The following JADE1 variants were observed in gnomAD, a reference collection of about 807,000 sequenced individuals.
JADE1 encodes protein Jade-1.
In JADE1, 14 loss-of-function variants were observed where a neutral mutation model predicts 81.8. The observed-to-expected ratio is 0.17, with a 90% CI of 0.11 to 0.27. The LOEUF (loss-of-function observed/expected upper bound fraction) is 0.27, where lower values mean the gene tolerates loss of function less well. Among genes scored for constraint, JADE1 ranks in the 10% least tolerant of loss-of-function variants. The pLI is 1.00. For missense variants in JADE1, 690 were observed against 1,047.9 expected (o/e 0.66, Z 4.71); for synonymous variants, 353 against 391.9 (o/e 0.90, Z 1.17).
At chr4:128,832,058 G>C (rs539413508) in intron 2 of JADE1, among the ~76,000 whole-genome samples, 63 of 152,316 alleles carry the variant, frequency 4.1e-4, no homozygotes, top group Middle Eastern at 3.4e-3. Context: ...GAATAATCCA[G>C]TTCCAAGAGT....
intron 9 of JADE1, chr4:128,863,134 C>T: frequency 1.0e-6 from 1 of 985,602 alleles, no homozygotes; most frequent in Non-Finnish European, 1.2e-6. Flanking sequence ...GCTTTTGTGC[C>T]TCCCCCACTT....
intron 6 of JADE1, among the ~76,000 whole-genome samples, chr4:128,852,739 C>G (rs1579200495): frequency 6.6e-6 from 1 of 152,158 alleles, no homozygotes; most frequent in Non-Finnish European, 1.5e-5. Context: ...GTTCTGGAAA[C>G]TAAAAGTCCA....
At chr4:128,857,699 A>G (rs1432229683) in intron 8 of JADE1, among the ~76,000 whole-genome samples, 1 of 152,166 alleles carries the variant, frequency 6.6e-6, no homozygotes, top group East Asian at 1.9e-4. Context: ...CTGAGCTGTG[A>G]GGCGGTTGCA....
chr4:128,841,902 C>T (rs970953793), intron 2 of JADE1, among the ~76,000 whole-genome samples: 1 of 152,088 alleles, frequency 6.6e-6, no homozygotes, highest in African/African-American at 2.4e-5. Context: ...GTTGTTGGTG[C>T]TGAGAAGTGT....
intron 2 of JADE1, among the ~76,000 whole-genome samples, chr4:128,841,091 T>C (rs1211260949): frequency 6.6e-6 from 1 of 152,260 alleles, no homozygotes; most frequent in East Asian, 1.9e-4. Context: ...TGTTCCTGTC[T>C]CTGGAATCTG....
chr4:128,847,118 A>G (rs542438560), intron 4 of JADE1, among the ~76,000 whole-genome samples: 27 of 152,286 alleles, frequency 1.8e-4, no homozygotes, highest in African/African-American at 6.3e-4. Context: ...AGGATCCCTC[A>G]GGGTCGAGTC....
chr4:128,863,714 T>A (rs1182206317), intron 9 of JADE1: 33 of 985,398 alleles, frequency 3.3e-5, no homozygotes, highest in Non-Finnish European at 4.0e-5. Flanking sequence ...CAACTACATG[T>A]ATGTGTGGCA....
chr4:128,857,081 C>T (rs536272118), intron 7 of JADE1, among the ~76,000 whole-genome samples: 5 of 152,162 alleles, frequency 3.3e-5, no homozygotes, highest in Admixed American at 1.3e-4. Context: ...TCAGACGCTC[C>T]GGTGAGAAGT....
intron 7 of JADE1, among the ~76,000 whole-genome samples, chr4:128,856,256 T>C (rs1197660434): frequency 6.6e-6 from 1 of 152,206 alleles, no homozygotes; most frequent in Non-Finnish European, 1.5e-5. Flanking sequence ...GCTACCTTTT[T>C]CCTTGAGGAA....
At chr4:128,840,534 G>A (rs1579164032) in intron 2 of JADE1, among the ~76,000 whole-genome samples, 1 of 152,262 alleles carries the variant, frequency 6.6e-6, no homozygotes, top group Middle Eastern at 3.4e-3. Context: ...GACACTGCGT[G>A]TGCTTTTCCT....
Position 128,842,335 on chromosome 4 carries a change from T to C in JADE1, c.53-618T>C, listed in dbSNP as rs1579169584. ...TTTTTTTTTTGACAGAGTCTTGCTCTGTCCCGCAGGCTGGAGTGCAGTGAC... is the reference window on the plus strand; with the variant it reads ...TTTTTTTTTTGACAGAGTCTTGCTCCGTCCCGCAGGCTGGAGTGCAGTGAC... On this transcript the variant is annotated intron_variant, in intron 2 of 10. Transcript: ENST00000226319. Among the ~76,000 whole-genome samples, 6 of 151,998 alleles carry C rather than the reference T, an allele frequency of 3.9e-5. No individual in the cohort carries two copies. The South Asian group carries it at 1.2e-3, about 32-fold the overall frequency.
At chr4:128,836,292 T>G (rs1728973359) in intron 2 of JADE1, among the ~76,000 whole-genome samples, 1 of 152,146 alleles carries the variant, frequency 6.6e-6, no homozygotes, top group South Asian at 2.1e-4. Flanking sequence ...GCCTTACTAA[T>G]AACATAAATC....
At chr4:128,836,306 A>T (rs1247126398) in intron 2 of JADE1, among the ~76,000 whole-genome samples, 1 of 152,188 alleles carries the variant, frequency 6.6e-6, no homozygotes, top group Non-Finnish European at 1.5e-5. Flanking sequence ...ATAAATCAAC[A>T]TATTTTATAT....
intron 8 of JADE1, among the ~76,000 whole-genome samples, chr4:128,860,713 G>A (rs1382711757): frequency 1.3e-5 from 2 of 152,238 alleles, no homozygotes; most frequent in Non-Finnish European, 2.9e-5. Flanking sequence ...GAGGCTTGTT[G>A]TCTGGATCAA....
Position 128,872,312 on chromosome 4 carries a change from A to G in JADE1, c.*50A>G, listed in dbSNP as rs1732256315. The G allele has an allele frequency of 6.6e-7, 1 of 1,526,036 alleles. No homozygotes were observed. The highest frequency in any genetic ancestry group is 1.8e-5 in the Admixed American group (1 of 56,404). The allele number at this position is 1,526,036 out of a possible 1,614,324, so 94.5% of individuals were successfully genotyped here. A position where few individuals can be genotyped will look rare whatever the true frequency, so the allele number is the denominator to read the frequency against. On this transcript the variant is annotated 3_prime_UTR_variant, in exon 11 of 11. Coordinates refer to ENST00000226319, the MANE Select transcript of JADE1 (RefSeq NM_199320.4). Reference sequence around the variant, plus strand: ...CTTTGGGCTCGTCATTGGGTTTGCTAGAGGAGAGCTCTGATGTGGGGGAGA... The same window carrying G: ...CTTTGGGCTCGTCATTGGGTTTGCTGGAGGAGAGCTCTGATGTGGGGGAGA...
In JADE1 at chr4:128,846,649, A is replaced by C; in HGVS notation, c.296+117A>C. 9.1e-7 allele frequency: 1 copy of C among 1,092,992 alleles called. No individual in the cohort carries two copies. Among genetic ancestry groups the C allele is most frequent in the Non-Finnish European group, 1.3e-6 (1 of 768,454 alleles). The allele number at this position is 1,092,992 out of a possible 1,614,324, so 67.7% of individuals were successfully genotyped here. A position where few individuals can be genotyped will look rare whatever the true frequency, so the allele number is the denominator to read the frequency against. ...AGAGACAGTTTCTGAGTTAGCATTA[A>C]AATATCATGAGGCCTCAAGTGGAAA... On this transcript the variant is annotated intron_variant, in intron 4 of 10. Coordinates refer to ENST00000226319, the MANE Select transcript of JADE1 (RefSeq NM_199320.4). This position sits in a 1 kb window ranked among gnomAD's most constrained non-coding sequence, Gnocchi z 4.0.
chr4:128,871,371 C>T lies in JADE1; in HGVS notation c.1638C>T (p.Cys546=). The T allele has an allele frequency of 6.2e-7, 1 of 1,612,752 alleles. No individual in the cohort carries two copies. Among genetic ancestry groups the T allele is most frequent in the Non-Finnish European group, 8.5e-7 (1 of 1,179,030 alleles). Residue 546 remains cysteine, a synonymous_variant, in exon 11 of 11, where the codon TGC becomes TGT. Transcript: ENST00000226319. This position sits in a 1 kb window ranked among gnomAD's most constrained non-coding sequence, Gnocchi z 4.1. ...QERVSGVPSS[C]SSSSLENMLL... ...TGTTTATAGGTGTGCCTTCTTCCTG[C>T]TCCTCCTCCTCACTGGAAAACATGC...
intron 9 of JADE1, chr4:128,864,265 G>C (rs1363144685): frequency 4.1e-6 from 2 of 485,996 alleles, no homozygotes; most frequent in Non-Finnish European, 5.3e-6. Flanking sequence ...CTCCTGCCTC[G>C]GTCTCATGAG....
At chr4:128,843,641 G>A (rs1353903317) in intron 3 of JADE1, among the ~76,000 whole-genome samples, 1 of 152,164 alleles carries the variant, frequency 6.6e-6, no homozygotes, top group Non-Finnish European at 1.5e-5. Flanking sequence ...TGAGACCTGA[G>A]GTCTGTTTAT....
Sources: gnomAD v4.1 joint callset for allele counts (sites outside exome capture counted in the v4.1 genomes callset) on GRCh38, gnomAD v4.1.1 for gene constraint, Gnocchi (gnomAD v3.1) non-coding constraint, MANE v1.5 for transcripts, NCBI Gene and HGNC (gene_info 2026-07-23, HGNC 2026-07-21) for gene names.